The following LILRA5 variants were observed in gnomAD, a reference collection of about 807,000 sequenced individuals.
LILRA5 encodes leukocyte immunoglobulin like receptor A5.
Under a neutral mutation model 36.3 loss-of-function variants are expected in LILRA5, and 31 were observed. That is an observed-to-expected ratio of 0.85 (90% confidence interval 0.64 to 1.15). LILRA5 has a LOEUF of 1.15. LILRA5 is among the 50% of genes most tolerant of loss of function. The pLI is 0.00. For synonymous variants in LILRA5, 144 were observed against 144.8 expected, an observed-to-expected ratio of 0.99 and a Z score of 0.04; for missense variants, 348 against 377.4, an observed-to-expected ratio of 0.92 and a Z score of 0.64.
At chr19:54,311,018 C>G (rs1326414589) in intron 5 of LILRA5, 5 of 272,030 alleles carry the variant, frequency 1.8e-5, no homozygotes, top group Non-Finnish European at 3.7e-5. Flanking sequence ...TGCAATGACA[C>G]AGTCTCGGCT....
Position 54,312,681 on chromosome 19 carries a change from T to C in LILRA5, c.4-60A>G, listed in dbSNP as rs569911059. ...CTCGGAGGCTGGGTCCTTCTTGTCA[T>C]AGGATTTTCTCATTCTCAGCCCACA... On this transcript the variant is annotated intron_variant, in intron 1 of 6. Coordinates refer to ENST00000432233, the MANE Select transcript of LILRA5 (RefSeq NM_021250.4). The C allele has an allele frequency of 2.5e-5, 38 of 1,508,644 alleles. 1 individual carries two copies. The Middle Eastern group carries it at 6.8e-4, about 27-fold the overall frequency. The allele number at this position is 1,508,644 out of a possible 1,614,324, so 93.5% of individuals were successfully genotyped here. A position where few individuals can be genotyped will look rare whatever the true frequency, so the allele number is the denominator to read the frequency against.
intron 5 of LILRA5, 90 bp from the exon 6 acceptor site, chr19:54,307,838 C>T: frequency 9.3e-7 from 1 of 1,077,942 alleles, no homozygotes; most frequent in Non-Finnish European, 1.4e-6. Context: ...CTCCTAGTTC[C>T]CTGTGCCTCT....
Position 54,312,621 on chromosome 19 carries a change from C to T in LILRA5, c.4G>A (p.Ala2Thr), listed in dbSNP as rs1180284727. The change falls in exon 2 of 7, where the codon GCA becomes ACA. Residue 2 changes from alanine (A) to threonine (T), a missense_variant and splice_region_variant. By Grantham distance (58) the Ala-to-Thr change is moderately conservative. Transcript: ENST00000432233. Reference protein sequence around the residue: MAPWSHPSAQLQ... With the variant: MTPWSHPSAQLQ... Reference sequence around the variant, plus strand: ...TGTGCAGATGGATGAGACCATGGTGCCTGGCAGGACAGAGAGACACACAGG... The same window carrying T: ...TGTGCAGATGGATGAGACCATGGTGTCTGGCAGGACAGAGAGACACACAGG... 1 of 1,614,084 alleles carries T rather than the reference C, an allele frequency of 6.2e-7. No individual in the cohort carries two copies.
chr19:54,308,829 T>G (rs2080953030), intron 5 of LILRA5: 1 of 152,114 alleles, frequency 6.6e-6, no homozygotes, highest in South Asian at 2.1e-4. Flanking sequence ...ACATTAAGCA[T>G]GTAGATATAC....
chr19:54,308,395 ATATATATATATATG>A (rs2080940389), intron 5 of LILRA5: 1 of 92,272 alleles, frequency 1.1e-5, no homozygotes, highest in Non-Finnish European at 2.0e-5. Context: ...ATATATATAT[ATATATATATATATG>A]GTGTTACAGA....
chr19:54,312,173 T>C, intron 3 of LILRA5, 25 bp from the exon 4 acceptor site: 1 of 1,612,056 alleles, frequency 6.2e-7, no homozygotes, highest in Non-Finnish European at 8.5e-7. Flanking sequence ...GAGTCTGGGC[T>C]CCAAGACCTC....
At chr19:54,310,795 T>A (rs780293212) in intron 5 of LILRA5, 3 of 262,844 alleles carry the variant, frequency 1.1e-5, no homozygotes, top group Non-Finnish European at 2.4e-5. Context: ...ATCAGAGTGA[T>A]ACTGGAGGGT....
chr19:54,309,523 A>C (rs1569140558), intron 5 of LILRA5: 2 of 85,838 alleles, frequency 2.3e-5, no homozygotes, highest in African/African-American at 3.6e-5. Context: ...ACTTCACTTA[A>C]GAATAAAGTA....
At chr19:54,308,964 T>C (rs753422785) in intron 5 of LILRA5, 1 of 152,200 alleles carries the variant, frequency 6.6e-6, no homozygotes, top group Admixed American at 6.5e-5. Flanking sequence ...TGCATATTAA[T>C]ACTTGAAGTG....
chr19:54,312,290 C>T (rs2147857072), intron 3 of LILRA5, 45 bp downstream of exon 3: 2 of 1,614,140 alleles, frequency 1.2e-6, no homozygotes, highest in Non-Finnish European at 1.7e-6. Flanking sequence ...GGCCCTTTGT[C>T]CCCATTGAGG....
At chr19:54,312,236 C>T in intron 3 of LILRA5, 88 bp from the exon 4 acceptor site, 1 of 1,612,230 alleles carries the variant, frequency 6.2e-7, no homozygotes, top group Non-Finnish European at 8.5e-7. Flanking sequence ...ACGTCCCCAT[C>T]AATCACCCAG....
In LILRA5 at chr19:54,313,075, C is replaced by T. The variant is rs978587792; in HGVS notation, c.-56G>A. The T allele has an allele frequency of 6.2e-7, 1 of 1,605,316 alleles. No homozygotes were observed. On this transcript the variant is annotated 5_prime_UTR_variant, in exon 1 of 7. It adds an upstream start codon to the 5' untranslated region. Transcript: ENST00000432233. ...TCAGGGAAGATGCAGGTCCATGCCACAGGCAGACTCAGATCAGCAGAGACA... is the reference window on the plus strand; with the variant it reads ...TCAGGGAAGATGCAGGTCCATGCCATAGGCAGACTCAGATCAGCAGAGACA...
In LILRA5 at chr19:54,312,618, G is replaced by T. The variant is rs750516237; in HGVS notation, c.7C>A (p.Pro3Thr). Residue 3 changes from proline to threonine, a missense_variant, in exon 2 of 7, where the codon CCA (proline) becomes ACA (threonine). By Grantham distance (38) the Pro-to-Thr change is conservative. Coordinates refer to ENST00000432233, the MANE Select transcript of LILRA5 (RefSeq NM_021250.4). ...AGCTGTGCAGATGGATGAGACCATG[G>T]TGCCTGGCAGGACAGAGAGACACAC... The part of the protein sequence containing the change: MA[P>T]WSHPSAQLQP... 5.6e-6 allele frequency: 9 copies of T among 1,614,010 alleles called. No individual in the cohort carries two copies. The Admixed American group carries it at 1.3e-4, about 24-fold the overall frequency.
At chr19:54,310,047 G>A (rs950915196) in intron 5 of LILRA5, 3 of 309,716 alleles carry the variant, frequency 9.7e-6, no homozygotes, top group Admixed American at 4.1e-5. Context: ...CCTCATCACC[G>A]TCAGATCCCA....
In LILRA5 at chr19:54,311,625, T is replaced by A. The variant is rs201867542; in HGVS notation, c.501A>T (p.Arg167Ser). Residue 167 changes from arginine (R) to serine (S), a missense_variant, in exon 5 of 7, where the codon AGA (arginine) becomes AGT (serine). Physicochemically the swap from Arg to Ser is moderately radical, Grantham distance 110. Coordinates refer to ENST00000432233, the MANE Select transcript of LILRA5 (RefSeq NM_021250.4). ...NVTLQCGSRL[R>S]FDRFILTEEG... Reference sequence around the variant, plus strand: ...CCTCAGTCAGAATGAACCTGTCGAATCTCAGCCGTGAGCCACACTGGAGGG... The same window carrying A: ...CCTCAGTCAGAATGAACCTGTCGAAACTCAGCCGTGAGCCACACTGGAGGG... 2 of 1,613,996 alleles carry A rather than the reference T, an allele frequency of 1.2e-6. No homozygotes were observed. The highest frequency in any genetic ancestry group is 1.7e-6 in the Non-Finnish European group (2 of 1,180,024).
Position 54,312,147 on chromosome 19 carries a change from C to A in LILRA5, c.126G>T (p.Gly42=), listed in dbSNP as rs553997530. 4 of 1,613,480 alleles carry A rather than the reference C, an allele frequency of 2.5e-6. No homozygotes were observed. In the South Asian group the frequency reaches 3.3e-5, roughly 13 times the overall value. The change falls in exon 4 of 7, where the codon GGG becomes GGT. Residue 42 remains glycine, a splice_region_variant and synonymous_variant. Coordinates refer to ENST00000432233, the MANE Select transcript of LILRA5 (RefSeq NM_021250.4). ...CCCAGAGGGTGGCTTTGGAGAGGTT[C>A]CCTGGAAGGAAATCAGAGTCTGGGC... ...SLGPRTHVQA[G]NLSKATLWAE...
intron 4 of LILRA5, 74 bp from the exon 5 acceptor site, chr19:54,311,790 G>A: frequency 6.2e-7 from 1 of 1,611,730 alleles, no homozygotes; most frequent in Non-Finnish European, 8.5e-7. Context: ...GGCTGTGAAA[G>A]GGAGACACCC....
At position 54,313,062 on chromosome 19, in the gene LILRA5, C is replaced by T. The variant is rs1180252886; in HGVS notation, c.-43G>A. Reference sequence around the variant, plus strand: ...CCCTGGAGATGCTTCAGGGAAGATGCAGGTCCATGCCACAGGCAGACTCAG... The same window carrying T: ...CCCTGGAGATGCTTCAGGGAAGATGTAGGTCCATGCCACAGGCAGACTCAG... On this transcript the variant is annotated 5_prime_UTR_variant, in exon 1 of 7. Coordinates refer to ENST00000432233, the MANE Select transcript of LILRA5 (RefSeq NM_021250.4). 1.9e-6 allele frequency: 3 copies of T among 1,612,478 alleles called. No individual in the cohort carries two copies. The highest frequency in any genetic ancestry group is 1.3e-5 in the African/African-American group (1 of 74,910).
chr19:54,307,242 CAAAAA>C lies in LILRA5; in HGVS notation c.*166_*170del, dbSNP rs10573769. The C allele has an allele frequency of 4.5e-3, 516 of 115,508 alleles. No individual in the cohort carries two copies. The highest frequency in any genetic ancestry group is 9.4e-3 in the South Asian group (48 of 5,100). 7.2% of individuals were successfully genotyped at this position (115,508 alleles called of 1,614,324 possible). ...CTGGTGACAGAGCAAGACTCCATCT[CAAAAA>C]AAAAAAAAAAAAAAAAAAAGAAAGA... On this transcript the variant is annotated 3_prime_UTR_variant, in exon 7 of 7. Transcript: ENST00000432233.
Sources: allele counts gnomAD v4.1 joint callset, GRCh38; gene constraint gnomAD v4.1.1; transcripts MANE v1.5; gene names NCBI Gene and HGNC (gene_info 2026-07-23, HGNC 2026-07-21).